The following TPR variants were observed in gnomAD, a reference collection of about 807,000 sequenced individuals.
TPR encodes the protein translocated promoter region, nuclear basket protein.
Under a neutral mutation model 316.1 loss-of-function variants are expected in TPR, and 51 were observed. The observed-to-expected ratio is 0.16, with a 90% CI of 0.13 to 0.20. The LOEUF (loss-of-function observed/expected upper bound fraction) is 0.20. TPR is among the 10% of genes least tolerant of loss of function. TPR has a pLI of 1.00. For synonymous variants in TPR, 981 were observed against 914.7 expected (o/e 1.07, Z -1.31); for missense variants, 2,272 against 2,754.8 (o/e 0.82, Z 3.92).
intron 7 of TPR, 22 bp from the exon 8 acceptor site, chr1:186,361,891 T>G (rs767047047): frequency 1.2e-6 from 2 of 1,608,556 alleles, no homozygotes; most frequent in African/African-American, 2.7e-5. Flanking sequence ...AGCCCAATTA[T>G]AGCAGTCTAC....
At chr1:186,343,552 G>C (rs1480983420) in intron 26 of TPR, 79 bp from the exon 27 acceptor site, 4 of 1,344,648 alleles carry the variant, frequency 3.0e-6, no homozygotes, top group Non-Finnish European at 4.1e-6. Context: ...TTGGTAAGAT[G>C]ACAAAAATCA....
chr1:186,332,618 A>G (rs1003975011), intron 37 of TPR, among the ~76,000 whole-genome samples: 1 of 152,164 alleles, frequency 6.6e-6, no homozygotes, highest in Non-Finnish European at 1.5e-5. Flanking sequence ...TTTTTACAAT[A>G]TATCTGGTTC....
chr1:186,356,065 T>C (rs1342508937), intron 15 of TPR, among the ~76,000 whole-genome samples: 4 of 152,172 alleles, frequency 2.6e-5, no homozygotes, highest in South Asian at 2.1e-4. Context: ...CTGTAATTCA[T>C]TGATTCTGAA....
At chr1:186,339,607 A>G (rs913746088) in intron 30 of TPR, 35 bp downstream of exon 30, 24 of 1,444,700 alleles carry the variant, frequency 1.7e-5, no homozygotes, top group Non-Finnish European at 1.9e-5. Flanking sequence ...AACTTCTTTT[A>G]TATTATATAT....
Position 186,317,701 on chromosome 1 carries a change from GC to G in TPR, c.6822-102del. 1.2e-5 allele frequency: 13 copies of G among 1,117,538 alleles called. No individual in the cohort carries two copies. The South Asian group carries it at 1.9e-4, about 16-fold the overall frequency. The allele number at this position is 1,117,538 out of a possible 1,614,324, so 69.2% of individuals were successfully genotyped here. ...TATTTTATCACTTAAGTAATCCAGA[GC>G]TCCCTTAAACAAAAAATTATAGACT... On this transcript the variant is annotated intron_variant, in intron 48 of 50. Coordinates refer to ENST00000367478, the MANE Select transcript of TPR (RefSeq NM_003292.3).
In TPR at chr1:186,318,473, T is replaced by G. The variant is rs945005159; in HGVS notation, c.6795A>C (p.Glu2265Asp). The G allele has an allele frequency of 3.0e-5, 48 of 1,612,926 alleles. No homozygotes were observed. The highest frequency in any genetic ancestry group is 3.9e-5 in the Non-Finnish European group (46 of 1,179,712). The change falls in exon 48 of 51, where the codon GAA (glutamate) becomes GAC (aspartate). Residue 2265 changes from glutamate to aspartate, a missense_variant. Glu to Asp is a conservative substitution (Grantham distance 45, BLOSUM62 2). Transcript: ENST00000367478. ...NETATGDDGD[E>D]VFVEAESEGI... ...CTTCAGATTCTGCCTCCACAAATAC[T>G]TCATCTCCATCATCACCTGTTGCTG...
At position 186,325,872 on chromosome 1, in the gene TPR, TAA is replaced by T. The variant is rs758444336; in HGVS notation, c.6022-20_6022-19del. On this transcript the variant is annotated intron_variant, in intron 41 of 50. Transcript: ENST00000367478. ...TCACCACCCTAAAAACAAAACGTGGTAACATAATGCTCAAATAAAATAAATAT... is the reference window on the plus strand; with the variant it reads ...TCACCACCCTAAAAACAAAACGTGGTCATAATGCTCAAATAAAATAAATAT... 5.2e-5 allele frequency: 83 copies of T among 1,608,864 alleles called. No individual in the cohort carries two copies. The highest frequency in any genetic ancestry group is 1.7e-6 in the Non-Finnish European group (2 of 1,177,166).
Position 186,311,791 on chromosome 1 carries a change from C to G in TPR, c.*2180G>C. Reference sequence around the variant, plus strand: ...TTTTCATTTCTTCACAGGCAAGTCACAATTCATTTGAGTTTTCAGGTCACT... The same window carrying G: ...TTTTCATTTCTTCACAGGCAAGTCAGAATTCATTTGAGTTTTCAGGTCACT... On this transcript the variant is annotated 3_prime_UTR_variant, in exon 51 of 51. Transcript: ENST00000367478. 1 of 647,848 alleles carries G rather than the reference C, an allele frequency of 1.5e-6. No homozygotes were observed. The highest frequency in any genetic ancestry group is 2.6e-6 in the Non-Finnish European group (1 of 385,308). The allele number at this position is 647,848 out of a possible 1,614,324, so 40.1% of individuals were successfully genotyped here. A position where few individuals can be genotyped will look rare whatever the true frequency, so the allele number is the denominator to read the frequency against.
At chr1:186,354,959 G>A (rs748020333) in intron 17 of TPR, among the ~76,000 whole-genome samples, 1 of 152,116 alleles carries the variant, frequency 6.6e-6, no homozygotes, top group African/African-American at 2.4e-5. Context: ...CTGGAGTGCA[G>A]TGGCCCCAAT....
chr1:186,351,981 T>C lies in TPR; in HGVS notation c.2464A>G (p.Ile822Val). Reference protein sequence around the residue: ...QNLLLTNLQTIQGILERSETE... With the variant: ...QNLLLTNLQTVQGILERSETE... ...TAGGCTTTTTATTTGGTTACCTGAA[T>C]TGTTTGCAGATTAGTTAGCAGTAAG... Residue 822 changes from isoleucine to valine, a missense_variant, in exon 19 of 51, where the codon ATT becomes GTT. Physicochemically the swap from Ile to Val is conservative, Grantham distance 29. This residue lies in a region of TPR where 757 missense variants were observed against 859.8 expected (regional missense o/e 0.88). Coordinates refer to ENST00000367478, the MANE Select transcript of TPR (RefSeq NM_003292.3). 2.5e-6 allele frequency: 4 copies of C among 1,595,298 alleles called. No homozygotes were observed. Among genetic ancestry groups the C allele is most frequent in the Non-Finnish European group, 3.4e-6 (4 of 1,174,806 alleles).
intron 50 of TPR, 114 bp from the exon 51 acceptor site, chr1:186,314,140 TTG>T: frequency 1.1e-6 from 1 of 931,090 alleles, no homozygotes; most frequent in Non-Finnish European, 1.6e-6. Flanking sequence ...TATAAAACTG[TTG>T]GGTATTCTAC....
rs144897995 is a variant in TPR, at chr1:186,365,722, T to C, written c.427+2164A>G. On this transcript the variant is annotated intron_variant, in intron 4 of 50. Transcript: ENST00000367478. Reference sequence around the variant, plus strand: ...CAAGGCTGAAATAATAAATTCCTGTTGGAGGAAACTCTCCAGATGTTGTGC... The same window carrying C: ...CAAGGCTGAAATAATAAATTCCTGTCGGAGGAAACTCTCCAGATGTTGTGC... 1.5e-3 allele frequency among the ~76,000 whole-genome samples: 234 copies of C among 152,344 alleles called. 1 individual carries two copies. The highest frequency in any genetic ancestry group is 5.3e-3 in the African/African-American group (219 of 41,574).
chr1:186,371,994 T>C (rs1243289200), intron 2 of TPR, among the ~76,000 whole-genome samples: 1 of 152,218 alleles, frequency 6.6e-6, no homozygotes, highest in Non-Finnish European at 1.5e-5. Flanking sequence ...GCACTACTAC[T>C]AAACAGATCT....
chr1:186,323,892 C>T (rs575076686), intron 42 of TPR, 22 bp from the exon 43 acceptor site: 2 of 1,517,688 alleles, frequency 1.3e-6, no homozygotes, highest in African/African-American at 2.9e-5. Flanking sequence ...GAGAAATTTA[C>T]TTTTGAACTG....
At chr1:186,327,392 T>C in intron 40 of TPR, 68 bp downstream of exon 40, 5 of 1,482,572 alleles carry the variant, frequency 3.4e-6, no homozygotes, top group Non-Finnish European at 4.6e-6. Context: ...AATGCATTAG[T>C]ATCCCAAGGA....
chr1:186,314,299 T>A, intron 50 of TPR: 1 of 399,966 alleles, frequency 2.5e-6, no homozygotes, highest in Non-Finnish European at 4.4e-6. Context: ...TCGTGTTGTA[T>A]AAAAAAATTA....
rs1658344908 is a variant in TPR, at chr1:186,336,511, T to G, written c.4690A>C (p.Ile1564Leu). Residue 1564 changes from isoleucine (I) to leucine (L), a missense_variant, in exon 33 of 51, where the codon ATT becomes CTT. Around this residue, in one of 10 missense-constraint regions of TPR, gnomAD observed 109 missense variants for 215.3 expected, o/e 0.51. Transcript: ENST00000367478. ...RKAIVAAKSK[I>L]AHLAGVKDQL... ...AGATATTTACCAGCTAAGTGTGCAATTTTTGACTTTGCTGCTACAATAGCC... is the reference window on the plus strand; with the variant it reads ...AGATATTTACCAGCTAAGTGTGCAAGTTTTGACTTTGCTGCTACAATAGCC... 1 of 1,613,732 alleles carries G rather than the reference T, an allele frequency of 6.2e-7. No individual in the cohort carries two copies. The highest frequency in any genetic ancestry group is 8.5e-7 in the Non-Finnish European group (1 of 1,179,888).
chr1:186,311,729 A>G lies in TPR; in HGVS notation c.*2242T>C, dbSNP rs1657254304. ...CAAATATTTTCAGTGAAAAAAATCA[A>G]TATTGAGGGTAGTATTCTTATTGCC... On this transcript the variant is annotated 3_prime_UTR_variant, in exon 51 of 51. Transcript: ENST00000367478. 1.0e-6 allele frequency: 1 copy of G among 973,774 alleles called. No individual in the cohort carries two copies. Among genetic ancestry groups the G allele is most frequent in the East Asian group, 2.6e-5 (1 of 38,712 alleles). The allele number at this position is 973,774 out of a possible 1,614,324, so 60.3% of individuals were successfully genotyped here.
intron 40 of TPR, 83 bp downstream of exon 40, chr1:186,327,377 C>T: frequency 8.2e-7 from 1 of 1,217,694 alleles, no homozygotes; most frequent in Non-Finnish European, 1.1e-6. Context: ...CCAGAATTTA[C>T]AGCCAATGCA....
Sources: allele counts gnomAD v4.1 joint callset (sites outside exome capture counted in the v4.1 genomes callset), GRCh38; gene constraint gnomAD v4.1.1; regional missense constraint gnomAD v4.1.1; transcripts MANE v1.5; gene names NCBI Gene and HGNC (gene_info 2026-07-23, HGNC 2026-07-21).